Variants in SMARCC1 observed in about 807,000 individuals in gnomAD.
The protein encoded by SMARCC1 is SWI/SNF related BAF chromatin remodeling complex subunit C1, also known as SWI/SNF complex subunit SMARCC1.
SMARCC1 carries 43 observed loss-of-function variants against 147.4 expected under a neutral mutation model. The observed-to-expected ratio is 0.29, with a 90% CI of 0.23 to 0.38. The LOEUF (loss-of-function observed/expected upper bound fraction) is 0.38, where lower values mean the gene tolerates loss of function less well. SMARCC1 is among the 10% of genes least tolerant of loss of function. SMARCC1 has a pLI of 1.00. For synonymous variants in SMARCC1, 495 were observed against 484.4 expected, an observed-to-expected ratio of 1.02 and a Z score of -0.29; for missense variants, 1,119 against 1,381.1, an observed-to-expected ratio of 0.81 and a Z score of 3.01.
At chr3:47,659,048 G>A (rs923198278) in intron 21 of SMARCC1, among the ~76,000 whole-genome samples, 3 of 150,794 alleles carry the variant, frequency 2.0e-5, no homozygotes, top group Admixed American at 6.6e-5. Context: ...AACCCAGGAG[G>A]CGGAGGCTGC....
At position 47,680,102 on chromosome 3, in the gene SMARCC1, T is replaced by A. The variant is rs1359132041; in HGVS notation, c.1457+335A>T. ...CAAGTGTGGTGACATGTGCCTGTAGTCCCAGCTACTTCAAGAGGCAGAGAT... is the reference window on the plus strand; with the variant it reads ...CAAGTGTGGTGACATGTGCCTGTAGACCCAGCTACTTCAAGAGGCAGAGAT... On this transcript the variant is annotated intron_variant, in intron 15 of 27. Coordinates refer to ENST00000254480, the MANE Select transcript of SMARCC1 (RefSeq NM_003074.4). 29 of 224,906 alleles carry A rather than the reference T, an allele frequency of 1.3e-4. No individual in the cohort carries two copies. In the South Asian group the frequency reaches 1.9e-3, roughly 15 times the overall value. 13.9% of individuals were successfully genotyped at this position (224,906 alleles called of 1,614,324 possible).
intron 2 of SMARCC1, among the ~76,000 whole-genome samples, chr3:47,746,679 A>AT (rs2034567433): frequency 6.6e-6 from 1 of 151,648 alleles, no homozygotes; most frequent in South Asian, 2.1e-4. Context: ...CAAAAGAAAG[A>AT]TTTTAAAAAG....
intron 24 of SMARCC1, among the ~76,000 whole-genome samples, chr3:47,634,810 G>T (rs2032947061): frequency 6.6e-6 from 1 of 152,144 alleles, no homozygotes; most frequent in South Asian, 2.1e-4. Context: ...AAGGAAACAG[G>T]TTTTTGTCTT....
intron 24 of SMARCC1, among the ~76,000 whole-genome samples, chr3:47,634,376 A>G (rs2032940429): frequency 6.6e-6 from 1 of 152,212 alleles, no homozygotes; most frequent in Non-Finnish European, 1.5e-5. Context: ...TCATCATATC[A>G]GATTAAACAC....
At chr3:47,773,570 A>G (rs1009928260) in intron 1 of SMARCC1, among the ~76,000 whole-genome samples, 1 of 152,136 alleles carries the variant, frequency 6.6e-6, no homozygotes, top group African/African-American at 2.4e-5. Context: ...GTTAAATGTA[A>G]AAGTTTTATT....
At chr3:47,642,160 G>A (rs1314886639) in intron 21 of SMARCC1, among the ~76,000 whole-genome samples, 1 of 152,128 alleles carries the variant, frequency 6.6e-6, no homozygotes, top group Non-Finnish European at 1.5e-5. Flanking sequence ...CAAAATGGAA[G>A]AAAACATGTA....
chr3:47,737,914 C>G, intron 4 of SMARCC1, 115 bp downstream of exon 4: 1 of 538,628 alleles, frequency 1.9e-6, no homozygotes, highest in Non-Finnish European at 3.3e-6. Flanking sequence ...CGCCTTGCCT[C>G]GGCCTCCCAA....
At position 47,638,703 on chromosome 3, in the gene SMARCC1, TTTTACTGCTGTGAGAC is replaced by T; in HGVS notation, c.2376+6_2376+21del. On this transcript the variant is annotated splice_donor_region_variant and intron_variant, in intron 22 of 27. Transcript: ENST00000254480. The stretch of plus-strand genomic sequence containing the variant: ...GGTCTGAAAGGCATGCTATCTGTGG[TTTTACTGCTGTGAGAC>T]TTTACCTTTTCAGGCTGCTGACCAT... The T allele has an allele frequency of 1.2e-6, 2 of 1,602,598 alleles. No individual in the cohort carries two copies. Among genetic ancestry groups the T allele is most frequent in the Non-Finnish European group, 1.7e-6 (2 of 1,169,584 alleles).
chr3:47,688,013 A>G (rs1446349418), intron 13 of SMARCC1, among the ~76,000 whole-genome samples: 1 of 152,152 alleles, frequency 6.6e-6, no homozygotes, highest in East Asian at 1.9e-4. Context: ...TAATCCCAGC[A>G]CTTTGGGAGG....
At chr3:47,694,079 G>C (rs770801195) in intron 11 of SMARCC1, among the ~76,000 whole-genome samples, 1 of 152,222 alleles carries the variant, frequency 6.6e-6, no homozygotes, top group Middle Eastern at 3.4e-3. Flanking sequence ...TTCTTTCCAT[G>C]TAAGAACTTT....
intron 14 of SMARCC1, among the ~76,000 whole-genome samples, chr3:47,682,071 C>CTTT (rs879416766): frequency 6.8e-6 from 1 of 146,568 alleles, no homozygotes; most frequent in Admixed American, 6.8e-5. Context: ...CACACACACA[C>CTTT]TTTTTTTTTT....
intron 2 of SMARCC1, among the ~76,000 whole-genome samples, chr3:47,769,190 GAC>G (rs1432845745): frequency 1.8e-5 from 2 of 112,686 alleles, no homozygotes; most frequent in Admixed American, 1.3e-4. Flanking sequence ...CAGCCTGGAT[GAC>G]AGAGCGAGAC....
At chr3:47,697,720 A>G (rs2033870180) in intron 11 of SMARCC1, among the ~76,000 whole-genome samples, 1 of 150,568 alleles carries the variant, frequency 6.6e-6, no homozygotes, top group Non-Finnish European at 1.5e-5. Context: ...TTAAAGATCA[A>G]TATCTGGACG....
intron 9 of SMARCC1, 79 bp from the exon 10 acceptor site, chr3:47,706,609 T>C: frequency 7.6e-7 from 1 of 1,318,478 alleles, no homozygotes; most frequent in Non-Finnish European, 1.0e-6. Context: ...AAGGTGAATC[T>C]CCACACACAA....
intron 2 of SMARCC1, among the ~76,000 whole-genome samples, chr3:47,766,438 T>A (rs1165786183): frequency 1.3e-5 from 2 of 149,476 alleles, no homozygotes; most frequent in Non-Finnish European, 3.0e-5. Flanking sequence ...GGTGTAGTGG[T>A]GCATGCTTGT....
At chr3:47,745,440 C>T (rs112445131) in intron 3 of SMARCC1, among the ~76,000 whole-genome samples, 18,818 of 151,950 alleles carry the variant, frequency 0.12, 1,595 homozygotes, top group Non-Finnish European at 0.18. Context: ...TGGCCGGGTG[C>T]GGTGGCTCAC....
chr3:47,719,114 C>T (rs2034198999), intron 7 of SMARCC1, among the ~76,000 whole-genome samples: 3 of 151,736 alleles, frequency 2.0e-5, no homozygotes, highest in African/African-American at 7.3e-5. Flanking sequence ...GGGGGTTTCA[C>T]CGTGTTAGCC....
intron 2 of SMARCC1, among the ~76,000 whole-genome samples, chr3:47,758,246 A>C (rs1038492945): frequency 6.6e-6 from 1 of 152,016 alleles, no homozygotes; most frequent in Admixed American, 6.6e-5. Flanking sequence ...CAACCTCCTA[A>C]GTAGCTCCAA....
rs1168522755 is a variant in SMARCC1 at position 47,586,402 on chromosome 3, TG to T, written c.*1806del. The T allele has an allele frequency of 6.6e-6, 1 of 152,278 alleles. No homozygotes were observed. Among genetic ancestry groups the T allele is most frequent in the Non-Finnish European group, 1.5e-5 (1 of 68,026 alleles). The allele number at this position is 152,278 out of a possible 1,614,324, so 9.4% of individuals were successfully genotyped here. ...GGGGTCTTTCTGGAGCCAAATGCAT[TG>T]GAACTAAGCTCCAGTAGGAATAAAC... On this transcript the variant is annotated 3_prime_UTR_variant, in exon 28 of 28. Coordinates refer to ENST00000254480, the MANE Select transcript of SMARCC1 (RefSeq NM_003074.4).
Sources: gnomAD v4.1 joint callset for allele counts (sites outside exome capture counted in the v4.1 genomes callset) on GRCh38, gnomAD v4.1.1 for gene constraint, MANE v1.5 for transcripts, NCBI Gene and HGNC (gene_info 2026-07-23, HGNC 2026-07-21) for gene names.